The following ADAM2 variants were observed in gnomAD, a reference collection of about 807,000 sequenced individuals.
The protein encoded by ADAM2 is ADAM metallopeptidase domain 2.
A neutral mutation model predicts 99.3 loss-of-function variants in ADAM2; 101 were observed. That is an observed-to-expected ratio of 1.02 (90% CI 0.87 to 1.20). The LOEUF (loss-of-function observed/expected upper bound fraction) is 1.20, where lower values mean the gene tolerates loss of function less well. ADAM2 is among the 50% of genes most tolerant of loss of function. The pLI, the probability that ADAM2 is intolerant of heterozygous loss-of-function variation, is 0.00. For synonymous variants in ADAM2, 323 were observed against 287.6 expected, an observed-to-expected ratio of 1.12 and a Z score of -1.25; for missense variants, 948 against 878.7, an observed-to-expected ratio of 1.08 and a Z score of -1.00.
chr8:39,753,597 A>G (rs1279718951), intron 16 of ADAM2, among the ~76,000 whole-genome samples: 2 of 152,138 alleles, frequency 1.3e-5, no homozygotes, highest in African/African-American at 4.8e-5. Flanking sequence ...CCTAGGAGGG[A>G]AAAATGGTTT....
chr8:39,750,281 A>G (rs746144994), intron 16 of ADAM2, among the ~76,000 whole-genome samples: 11 of 152,130 alleles, frequency 7.2e-5, no homozygotes, highest in Admixed American at 1.3e-4. Flanking sequence ...TCATTAAATA[A>G]ATATTTGAGT....
At chr8:39,803,676 T>C (rs1208261858) in intron 7 of ADAM2, among the ~76,000 whole-genome samples, 4 of 152,208 alleles carry the variant, frequency 2.6e-5, no homozygotes, top group Non-Finnish European at 5.9e-5. Flanking sequence ...TAATGTCCTT[T>C]AGCATAATTA....
At chr8:39,797,551 G>A (rs1804021375) in intron 7 of ADAM2, among the ~76,000 whole-genome samples, 1 of 152,144 alleles carries the variant, frequency 6.6e-6, no homozygotes, top group Non-Finnish European at 1.5e-5. Context: ...GATTGCATAT[G>A]AAATTTAAAA....
chr8:39,767,318 T>C (rs1802611401), intron 12 of ADAM2, 67 bp from the exon 13 acceptor site: 1 of 1,319,068 alleles, frequency 7.6e-7, no homozygotes, highest in African/African-American at 1.5e-5. Flanking sequence ...GGCATGTTCA[T>C]AAAGACAACA....
At chr8:39,790,565 C>T (rs1454422576) in intron 7 of ADAM2, among the ~76,000 whole-genome samples, 3 of 151,822 alleles carry the variant, frequency 2.0e-5, no homozygotes, top group African/African-American at 4.8e-5. Context: ...CTAATGGATG[C>T]AAAGTCTTTT....
At position 39,746,576 on chromosome 8, in the gene ADAM2, G is replaced by A; in HGVS notation, c.2070C>T (p.Phe690=). ...AAATAATAAAGAAAGGAATGAATAA[G>A]AAAAATGGCCATCTCATTGGTTTGG... ...YHSKPMRWPF[F]LFIPFFIIFC... is the part of the protein sequence containing the mutation. The change falls in exon 19 of 21, where the codon TTC becomes TTT. Residue 690 remains phenylalanine, a synonymous_variant. Transcript: ENST00000265708. The A allele has an allele frequency of 6.2e-7, 1 of 1,606,328 alleles. No individual in the cohort carries two copies. The highest frequency in any genetic ancestry group is 2.3e-5 in the East Asian group (1 of 44,402).
chr8:39,747,612 C>T (rs1823528496), intron 18 of ADAM2, among the ~76,000 whole-genome samples: 1 of 152,082 alleles, frequency 6.6e-6, no homozygotes, highest in Admixed American at 6.6e-5. Context: ...TCAAATTTGG[C>T]CTTTCATTGT....
intron 15 of ADAM2, among the ~76,000 whole-genome samples, chr8:39,757,766 A>G (rs1802204132): frequency 6.6e-6 from 1 of 152,226 alleles, no homozygotes; most frequent in Non-Finnish European, 1.5e-5. Flanking sequence ...GCAAAAGTGA[A>G]TGCAATTTCC....
intron 12 of ADAM2, among the ~76,000 whole-genome samples, chr8:39,767,839 ACTT>A (rs1489401902): frequency 2.0e-5 from 3 of 151,890 alleles, no homozygotes; most frequent in Non-Finnish European, 4.4e-5. Context: ...TGCTTTTAAA[ACTT>A]CTATTACTAA....
chr8:39,809,577 G>T, intron 6 of ADAM2, 111 bp from the exon 7 acceptor site: 1 of 562,448 alleles, frequency 1.8e-6, no homozygotes, highest in Non-Finnish European at 3.2e-6. Flanking sequence ...TTTGCATATA[G>T]AAATAAAACC....
chr8:39,772,157 T>C (rs1409988017), intron 11 of ADAM2, among the ~76,000 whole-genome samples: 1 of 151,224 alleles, frequency 6.6e-6, no homozygotes, highest in Non-Finnish European at 1.5e-5. Flanking sequence ...CATAATTGCA[T>C]CCGATTAGAG....
chr8:39,803,996 T>TG (rs1402745340), intron 7 of ADAM2, among the ~76,000 whole-genome samples: 1 of 152,186 alleles, frequency 6.6e-6, no homozygotes. Flanking sequence ...GGAATTCTAG[T>TG]GTTAGACTGG....
At chr8:39,821,537 T>C (rs1458612968) in intron 5 of ADAM2, 49 bp downstream of exon 5, 2 of 1,340,908 alleles carry the variant, frequency 1.5e-6, no homozygotes, top group Non-Finnish European at 2.1e-6. Flanking sequence ...TTAAAATAAT[T>C]TTGAAGTAAA....
intron 4 of ADAM2, among the ~76,000 whole-genome samples, chr8:39,823,232 T>C (rs1586156744): frequency 1.3e-5 from 2 of 152,318 alleles, no homozygotes; most frequent in East Asian, 3.9e-4. Flanking sequence ...AACAAACTCT[T>C]TCCTGGTTTA....
rs1408243875 is a variant in ADAM2, at chr8:39,821,149, A to G, written c.366T>C (p.Asn122=). The G allele has an allele frequency of 4.4e-6, 7 of 1,600,156 alleles. No individual in the cohort carries two copies. The highest frequency in any genetic ancestry group is 1.1e-5 in the South Asian group (1 of 87,812). Residue 122 remains asparagine (N), a synonymous_variant, in exon 6 of 21, where the codon AAT becomes AAC. Coordinates refer to ENST00000265708, the MANE Select transcript of ADAM2 (RefSeq NM_001464.5). ...CCAGGGGTTCTATTCCATAACTAAC[A>G]TTTTCAAACTGTAGTACGCCCCTAA... The part of the protein sequence containing the change: ...TGLRGVLQFE[N]VSYGIEPLES...
rs190320909 is a variant in ADAM2, at chr8:39,807,948, G to A, written c.570+1462C>T. 1.6e-4 allele frequency among the ~76,000 whole-genome samples: 24 copies of A among 152,044 alleles called. No individual in the cohort carries two copies. In the East Asian group the frequency reaches 1.9e-3, roughly 12 times the overall value. On this transcript the variant is annotated intron_variant, in intron 7 of 20. Transcript: ENST00000265708. ...TACTCCTGATAAAAACAGTAACAAT[G>A]ACAACAACACAGCAGCTAATATTTA...
intron 10 of ADAM2, among the ~76,000 whole-genome samples, chr8:39,785,796 T>TAAAAAAAAAAAAA (rs58429092): frequency 8.2e-6 from 1 of 122,498 alleles, no homozygotes; most frequent in Non-Finnish European, 1.8e-5. Context: ...CTGTCTCAAA[T>TAAAAAAAAAAAAA]AAAAAAAAAA....
intron 5 of ADAM2, 42 bp from the exon 6 acceptor site, chr8:39,821,212 T>C (rs773726772): frequency 1.5e-6 from 2 of 1,360,184 alleles, no homozygotes; most frequent in African/African-American, 1.5e-5. Flanking sequence ...AACAATGCCT[T>C]GTGGAAAAGC....
rs370758436 is a variant in ADAM2, at chr8:39,768,171, C to T, written c.1213-920G>A. ...TTTAAGCCTCAATTATATAACATTT[C>T]GAGAGCTTAGATACATGATTGTCAA... On this transcript the variant is annotated intron_variant, in intron 12 of 20. Transcript: ENST00000265708. Among the ~76,000 whole-genome samples the T allele has an allele frequency of 1.9e-4, 29 of 152,066 alleles. No individual in the cohort carries two copies. In the East Asian group the frequency reaches 1.9e-3, roughly 10 times the overall value.
Sources: allele counts gnomAD v4.1 joint callset (sites outside exome capture counted in the v4.1 genomes callset), GRCh38; gene constraint gnomAD v4.1.1; transcripts MANE v1.5; gene names NCBI Gene and HGNC (gene_info 2026-07-23, HGNC 2026-07-21).